RIMKLA: variants seen among roughly 807,000 people sequenced by gnomAD.
RIMKLA encodes ribosomal modification protein rimK like family member A.
Under a neutral mutation model 32.7 loss-of-function variants are expected in RIMKLA, and 14 were observed. That is an observed-to-expected ratio of 0.43 (90% CI 0.28 to 0.67). The LOEUF (loss-of-function observed/expected upper bound fraction) is 0.67, where lower values mean the gene tolerates loss of function less well. RIMKLA is among the 30% of genes least tolerant of loss of function. RIMKLA has a pLI of 0.18. For missense variants in RIMKLA, 410 were observed against 519.0 expected (o/e 0.79, Z 2.04); for synonymous variants, 176 against 204.1 (o/e 0.86, Z 1.18).
intron 1 of RIMKLA, among the ~76,000 whole-genome samples, chr1:42,386,070 T>C (rs553306005): frequency 1.3e-5 from 2 of 151,744 alleles, no homozygotes; most frequent in South Asian, 2.1e-4. Context: ...TACAGGCATG[T>C]GCCACCATAC....
intron 2 of RIMKLA, among the ~76,000 whole-genome samples, chr1:42,403,088 A>G (rs1002707050): frequency 6.6e-6 from 1 of 152,218 alleles, no homozygotes; most frequent in Admixed American, 6.5e-5. Context: ...AAACAAAAAG[A>G]ACCTCTAAGC....
At chr1:42,403,646 T>G (rs941865331) in intron 2 of RIMKLA, among the ~76,000 whole-genome samples, 2 of 152,180 alleles carry the variant, frequency 1.3e-5, no homozygotes, top group Non-Finnish European at 2.9e-5. Flanking sequence ...TCCCCAGGCT[T>G]GGTTTCTTTG....
chr1:42,404,573 GT>G lies in RIMKLA; in HGVS notation c.458del (p.Val153GlyfsTer27). On this transcript the variant is annotated frameshift_variant, in exon 3 of 5. Coordinates refer to ENST00000431473, the MANE Select transcript of RIMKLA (RefSeq NM_173642.4). LOFTEE classifies it high-confidence loss of function. ...TGAGCCCCTGGGCTACCCAGTCGTG[GT>G]GAAGAGCACACGAGGCCACCGGGGT... The part of the protein sequence containing the change: ...EAEPLGYPVV[V>X]KSTRGHRGKA... The G allele has an allele frequency of 6.2e-7, 1 of 1,613,240 alleles. No individual in the cohort carries two copies. Among genetic ancestry groups the G allele is most frequent in the Non-Finnish European group, 8.5e-7 (1 of 1,179,694 alleles).
intron 3 of RIMKLA, among the ~76,000 whole-genome samples, chr1:42,409,127 G>A (rs1327533756): frequency 2.1e-5 from 3 of 141,816 alleles, no homozygotes; most frequent in South Asian, 2.2e-4. Flanking sequence ...GCTTGAACCC[G>A]GGAGGTGGAG....
chr1:42,403,426 G>A (rs1643117765), intron 2 of RIMKLA, among the ~76,000 whole-genome samples: 1 of 152,070 alleles, frequency 6.6e-6, no homozygotes, highest in Non-Finnish European at 1.5e-5. Flanking sequence ...GGGGCATTAC[G>A]GTGCAGTCAT....
At chr1:42,408,665 C>T (rs1247818200) in intron 3 of RIMKLA, among the ~76,000 whole-genome samples, 1 of 152,054 alleles carries the variant, frequency 6.6e-6, no homozygotes, top group Admixed American at 6.5e-5. Context: ...AGGTGATCTG[C>T]CCGCCTCAGC....
In RIMKLA at chr1:42,418,617, T is replaced by C. The variant is rs2148398919; in HGVS notation, c.*3643T>C. The C allele has an allele frequency of 6.6e-6, 1 of 152,346 alleles. No homozygotes were observed. Among genetic ancestry groups the C allele is most frequent in the East Asian group, 1.9e-4 (1 of 5,186 alleles). The allele number at this position is 152,346 out of a possible 1,614,324, so 9.4% of individuals were successfully genotyped here. ...ATGTATTGATCAGAGGTAGATGTCT[T>C]TGAAGCTGTTCTGCATAAAGATAAT... On this transcript the variant is annotated 3_prime_UTR_variant, in exon 5 of 5. Transcript: ENST00000431473.
intron 1 of RIMKLA, among the ~76,000 whole-genome samples, chr1:42,381,428 C>T: frequency 6.6e-6 from 1 of 152,170 alleles, no homozygotes; most frequent in East Asian, 1.9e-4. Context: ...AAATCCTGCT[C>T]GCATCAATAC....
At chr1:42,392,124 G>A (rs139738398) in intron 1 of RIMKLA, among the ~76,000 whole-genome samples, 296 of 152,256 alleles carry the variant, frequency 1.9e-3, no homozygotes, top group African/African-American at 6.0e-3. Flanking sequence ...GAATTTATTA[G>A]TTTTCCACAT....
In RIMKLA at chr1:42,399,534, G is replaced by C; in HGVS notation, c.294G>C (p.Leu98Phe). 1 of 1,613,468 alleles carries C rather than the reference G, an allele frequency of 6.2e-7. No homozygotes were observed. Among genetic ancestry groups the C allele is most frequent in the Non-Finnish European group, 8.5e-7 (1 of 1,179,798 alleles). Reference sequence around the variant, plus strand: ...ACCTGGAGAAGCTGGGCTGCCGGTTGGTCAATCGCCCACAGAGCATCTTAA... The same window carrying C: ...ACCTGGAGAAGCTGGGCTGCCGGTTCGTCAATCGCCCACAGAGCATCTTAA... The part of the protein sequence containing the change: ...LRHLEKLGCR[L>F]VNRPQSILNC... The change falls in exon 2 of 5, where the codon TTG (leucine) becomes TTC (phenylalanine). Residue 98 changes from leucine (L) to phenylalanine (F), a missense_variant. Leu to Phe is a conservative substitution (Grantham distance 22). Transcript: ENST00000431473.
chr1:42,415,068 C>T lies in RIMKLA; in HGVS notation c.*94C>T. 1.5e-6 allele frequency: 2 copies of T among 1,341,568 alleles called. No individual in the cohort carries two copies. Among genetic ancestry groups the T allele is most frequent in the Non-Finnish European group, 2.0e-6 (2 of 989,350 alleles). The allele number at this position is 1,341,568 out of a possible 1,614,324, so 83.1% of individuals were successfully genotyped here. ...CTGGACTAATGTGATTTCATTTGCA[C>T]AGAAACTAGAAATCCCATCTGGGCA... is the stretch of plus-strand genomic sequence containing the variant. On this transcript the variant is annotated 3_prime_UTR_variant, in exon 5 of 5. Coordinates refer to ENST00000431473, the MANE Select transcript of RIMKLA (RefSeq NM_173642.4).
rs544695920 is a variant in RIMKLA at position 42,419,123 on chromosome 1, G to A, written c.*4149G>A. On this transcript the variant is annotated 3_prime_UTR_variant, in exon 5 of 5. Coordinates refer to ENST00000431473, the MANE Select transcript of RIMKLA (RefSeq NM_173642.4). ...TACCTGGAAGACGATTCTTCTAAGG[G>A]CTATAATGTTATAATCTTTTCCTAA... 1 of 152,216 alleles carries A rather than the reference G, an allele frequency of 6.6e-6. No homozygotes were observed. Among genetic ancestry groups the A allele is most frequent in the Admixed American group, 6.5e-5 (1 of 15,284 alleles). 9.4% of individuals were successfully genotyped at this position (152,216 alleles called of 1,614,324 possible). A position where few individuals can be genotyped will look rare whatever the true frequency, so the allele number is the denominator to read the frequency against.
chr1:42,400,299 A>G (rs1462372926), intron 2 of RIMKLA, among the ~76,000 whole-genome samples: 4 of 152,232 alleles, frequency 2.6e-5, no homozygotes, highest in East Asian at 1.9e-4. Flanking sequence ...TCCTGAGACT[A>G]ACAGGAAGTT....
At chr1:42,385,326 A>G (rs1351862161) in intron 1 of RIMKLA, among the ~76,000 whole-genome samples, 3 of 152,150 alleles carry the variant, frequency 2.0e-5, no homozygotes, top group African/African-American at 7.2e-5. Context: ...TTGCCCACCC[A>G]CAGGTCTGTA....
Position 42,394,316 on chromosome 1 carries a change from T to G in RIMKLA, c.164-5088T>G, listed in dbSNP as rs1228167675. On this transcript the variant is annotated intron_variant, in intron 1 of 4. Coordinates refer to ENST00000431473, the MANE Select transcript of RIMKLA (RefSeq NM_173642.4). ...ATCCGTTTGGTGTTGAAGCTTTCTT[T>G]AGTGAATCCAAGGATGCACATGTGT... Among the ~76,000 whole-genome samples the G allele has an allele frequency of 3.3e-5, 5 of 152,242 alleles. No individual in the cohort carries two copies. In the East Asian group the frequency reaches 9.6e-4, roughly 29 times the overall value.
intron 4 of RIMKLA, among the ~76,000 whole-genome samples, chr1:42,412,201 T>C (rs540743354): frequency 2.4e-4 from 36 of 152,338 alleles, no homozygotes; most frequent in African/African-American, 8.7e-4. Context: ...TTATTCGACC[T>C]GAGAATACAA....
At chr1:42,409,919 CAG>C in intron 3 of RIMKLA, 63 bp from the exon 4 acceptor site, 1 of 1,276,262 alleles carries the variant, frequency 7.8e-7, no homozygotes. Context: ...ACAAGGAGGC[CAG>C]ATGGCAAGTA....
chr1:42,382,233 T>G (rs1159867488), intron 1 of RIMKLA, among the ~76,000 whole-genome samples: 2 of 152,204 alleles, frequency 1.3e-5, no homozygotes, highest in Admixed American at 1.3e-4. Flanking sequence ...CCATAAACAT[T>G]AGGTACCTTA....
Position 42,419,767 on chromosome 1 carries a change from T to C in RIMKLA, c.*4793T>C, listed in dbSNP as rs1426912716. 1 of 152,240 alleles carries C rather than the reference T, an allele frequency of 6.6e-6. No individual in the cohort carries two copies. Among genetic ancestry groups the C allele is most frequent in the Non-Finnish European group, 1.5e-5 (1 of 68,060 alleles). The allele number at this position is 152,240 out of a possible 1,614,324, so 9.4% of individuals were successfully genotyped here. A position where few individuals can be genotyped will look rare whatever the true frequency, so the allele number is the denominator to read the frequency against. On this transcript the variant is annotated 3_prime_UTR_variant, in exon 5 of 5. Transcript: ENST00000431473. ...GCTGGCTCATGGCCCGCACCGTCTT[T>C]AGACCAGCCAAGACCATTTAACTCT... is the stretch of plus-strand genomic sequence containing the variant.
Sources: gnomAD v4.1 joint callset for allele counts (sites outside exome capture counted in the v4.1 genomes callset) on GRCh38, gnomAD v4.1.1 for gene constraint, MANE v1.5 for transcripts, NCBI Gene and HGNC (gene_info 2026-07-23, HGNC 2026-07-21) for gene names.